Variants in NR1H4 observed in about 807,000 individuals in gnomAD.
NR1H4 encodes nuclear receptor subfamily 1 group H member 4.
NR1H4 carries 23 observed loss-of-function variants against 58.5 expected under a neutral mutation model. That is an observed-to-expected ratio of 0.39 (90% confidence interval 0.28 to 0.56). NR1H4 has a LOEUF of 0.56. Among genes scored for constraint, NR1H4 ranks in the 20% least tolerant of loss-of-function variants. The pLI, the probability that NR1H4 is intolerant of heterozygous loss-of-function variation, is 0.58. For synonymous variants in NR1H4, 214 were observed against 198.0 expected, an observed-to-expected ratio of 1.08 and a Z score of -0.68; for missense variants, 487 against 576.9, an observed-to-expected ratio of 0.84 and a Z score of 1.60.
At chr12:100,532,807 GT>G (rs1203430644) in intron 5 of NR1H4, among the ~76,000 whole-genome samples, 197 bp downstream of exon 5, 2 of 151,934 alleles carry the variant, frequency 1.3e-5, no homozygotes, top group Non-Finnish European at 1.5e-5. Flanking sequence ...AAAGAAATGG[GT>G]TTTTTTTGTT....
intron 4 of NR1H4, among the ~76,000 whole-genome samples, chr12:100,521,126 T>A (rs201974070): frequency 4.3e-4 from 63 of 145,794 alleles, no homozygotes; most frequent in Admixed American, 3.6e-3. Flanking sequence ...CAAGAGAATT[T>A]AAAAAAAAAA....
chr12:100,534,795 G>C, intron 5 of NR1H4, 95 bp from the exon 6 acceptor site: 1 of 1,406,420 alleles, frequency 7.1e-7, no homozygotes, highest in South Asian at 1.2e-5. Context: ...TTGCATAGGG[G>C]ATCTTCTGGG....
chr12:100,480,590 T>G (rs936901233), intron 1 of NR1H4, among the ~76,000 whole-genome samples: 2 of 152,194 alleles, frequency 1.3e-5, no homozygotes, highest in East Asian at 1.9e-4. Context: ...GTCTCCTCAC[T>G]GCCCTTCTAG....
chr12:100,535,172 C>A, intron 6 of NR1H4, 149 bp downstream of exon 6: 1 of 881,536 alleles, frequency 1.1e-6, no homozygotes. Flanking sequence ...CTAATACATG[C>A]TTTGATGTAA....
chr12:100,492,584 A>AGTTTCCTG lies in NR1H4; in HGVS notation c.-106_-99dup, dbSNP rs992931800. ...GCTCAAAGTGAACACTGCTTCTCTT[A>AGTTTCCTG]GTTTCCTGGATTTCTTCTGGACATT... On this transcript the variant is annotated 5_prime_UTR_variant, in exon 2 of 11. Coordinates refer to ENST00000392986, the MANE Select transcript of NR1H4 (RefSeq NM_001206979.2). The AGTTTCCTG allele has an allele frequency of 1.3e-5, 2 of 152,222 alleles. No individual in the cohort carries two copies. The highest frequency in any genetic ancestry group is 2.9e-5 in the Non-Finnish European group (2 of 68,036). 9.4% of individuals were successfully genotyped at this position (152,222 alleles called of 1,614,324 possible). A position where few individuals can be genotyped will look rare whatever the true frequency, so the allele number is the denominator to read the frequency against.
chr12:100,483,255 T>G (rs1444784082), intron 1 of NR1H4, among the ~76,000 whole-genome samples: 1 of 152,194 alleles, frequency 6.6e-6, no homozygotes, highest in African/African-American at 2.4e-5. Flanking sequence ...CAAGTCATAT[T>G]TCTTGCTGCT....
chr12:100,543,313 A>G (rs1246168973), intron 9 of NR1H4, among the ~76,000 whole-genome samples: 2 of 152,112 alleles, frequency 1.3e-5, no homozygotes, highest in African/African-American at 4.8e-5. Context: ...AAGTAATAGG[A>G]GAGATGGAAG....
At chr12:100,504,566 C>G (rs1386132608) in intron 3 of NR1H4, among the ~76,000 whole-genome samples, 1 of 152,202 alleles carries the variant, frequency 6.6e-6, no homozygotes, top group Admixed American at 6.5e-5. Context: ...AGTTCACAGA[C>G]TAATCACAAC....
intron 1 of NR1H4, among the ~76,000 whole-genome samples, chr12:100,490,146 G>T (rs1268073624): frequency 6.6e-6 from 1 of 152,206 alleles, no homozygotes; most frequent in Non-Finnish European, 1.5e-5. Flanking sequence ...AATAAATGCA[G>T]ATAATTTAAT....
chr12:100,505,759 G>T, intron 3 of NR1H4: 1 of 538,162 alleles, frequency 1.9e-6, no homozygotes, highest in Non-Finnish European at 3.3e-6. Context: ...TATCAAAATA[G>T]AAATAAATTT....
At chr12:100,481,491 C>T (rs771821348) in intron 1 of NR1H4, among the ~76,000 whole-genome samples, 16 of 152,264 alleles carry the variant, frequency 1.1e-4, no homozygotes, top group East Asian at 5.8e-4. Context: ...AAACTATTTC[C>T]GGCCCAGCAT....
At chr12:100,518,688 G>A (rs1018762817) in intron 4 of NR1H4, among the ~76,000 whole-genome samples, 3 of 151,740 alleles carry the variant, frequency 2.0e-5, no homozygotes, top group African/African-American at 7.3e-5. Flanking sequence ...TAGAAAATGA[G>A]CATAGCTATA....
At chr12:100,528,694 T>G (rs1391994295) in intron 4 of NR1H4, among the ~76,000 whole-genome samples, 1 of 152,214 alleles carries the variant, frequency 6.6e-6, no homozygotes, top group Non-Finnish European at 1.5e-5. Context: ...CATATTTAAA[T>G]GATATAATGA....
intron 3 of NR1H4, among the ~76,000 whole-genome samples, chr12:100,502,523 G>A (rs1181762832): frequency 6.6e-6 from 1 of 151,954 alleles, no homozygotes; most frequent in African/African-American, 2.4e-5. Flanking sequence ...TTTTTATAAG[G>A]ATACAAGTCA....
chr12:100,550,181 A>G lies in NR1H4; in HGVS notation c.1078+9363A>G, dbSNP rs147526756. On this transcript the variant is annotated intron_variant, in intron 9 of 10. Coordinates refer to ENST00000392986, the MANE Select transcript of NR1H4 (RefSeq NM_001206979.2). ...TGAGGCTTTAGAACGTATATCTGATATAATTTGTGCTTGAGTTGTTTCTAT... is the reference window on the plus strand; with the variant it reads ...TGAGGCTTTAGAACGTATATCTGATGTAATTTGTGCTTGAGTTGTTTCTAT... Among the ~76,000 whole-genome samples the G allele has an allele frequency of 1.1e-3, 167 of 152,296 alleles. 1 individual carries two copies. The highest frequency in any genetic ancestry group is 9.9e-3 in the Admixed American group (151 of 15,292).
At chr12:100,561,024 T>C (rs1955458746) in intron 9 of NR1H4, among the ~76,000 whole-genome samples, 1 of 152,036 alleles carries the variant, frequency 6.6e-6, no homozygotes, top group South Asian at 2.1e-4. Flanking sequence ...ACATACTGGG[T>C]TTGAAGAGAA....
intron 1 of NR1H4, among the ~76,000 whole-genome samples, chr12:100,489,355 T>C (rs1830068090): frequency 6.6e-6 from 1 of 152,172 alleles, no homozygotes; most frequent in Non-Finnish European, 1.5e-5. Context: ...GTAAATATTT[T>C]TGGGTTTCTG....
chr12:100,537,691 G>A (rs1378963645), intron 8 of NR1H4, among the ~76,000 whole-genome samples: 2 of 152,154 alleles, frequency 1.3e-5, no homozygotes. Flanking sequence ...ATTCCAAGTT[G>A]AGAGATCTGC....
In NR1H4 at chr12:100,533,752, C is replaced by T. The variant is rs184273343; in HGVS notation, c.599-1138C>T. On this transcript the variant is annotated intron_variant, in intron 5 of 10. Transcript: ENST00000392986. ...ACACAAACTCATCCAGTAACAGATG[C>T]GGATATTTCATGGTTCTATAAAATA... Among the ~76,000 whole-genome samples the T allele has an allele frequency of 1.4e-4, 22 of 152,218 alleles. No homozygotes were observed. In the East Asian group the frequency reaches 3.5e-3, roughly 24 times the overall value.
Sources: gnomAD v4.1 joint callset for allele counts (sites outside exome capture counted in the v4.1 genomes callset) on GRCh38, gnomAD v4.1.1 for gene constraint, MANE v1.5 for transcripts, NCBI Gene and HGNC (gene_info 2026-07-23, HGNC 2026-07-21) for gene names.